The following MAEA variants were observed in gnomAD, a reference collection of about 807,000 sequenced individuals.
MAEA encodes the protein macrophage erythroblast attacher, E3 ubiquitin ligase.
MAEA carries 22 observed loss-of-function variants against 46.2 expected under a neutral mutation model. The ratio of observed to expected loss-of-function variants is 0.48; its 90% confidence interval spans 0.34 to 0.68. The LOEUF is 0.68. Among genes scored for constraint, MAEA ranks in the 30% least tolerant of loss-of-function variants. The pLI is 0.01. For synonymous variants in MAEA, 246 were observed against 222.6 expected, an observed-to-expected ratio of 1.11 and a Z score of -0.94; for missense variants, 393 against 558.1, an observed-to-expected ratio of 0.70 and a Z score of 2.98.
chr4:1,322,387 G>C lies in MAEA; in HGVS notation c.463G>C (p.Val155Leu), dbSNP rs768054350. ...GCTGCTTCCTTCCTCTAAGGACCTA[G>C]TGAATATTGAGATGTTCCTGACGGC... The part of the protein sequence containing the change: ...LARQSGIEDL[V>L]NIEMFLTAKE... The change falls in exon 4 of 9, where the codon GTG becomes CTG. Residue 155 changes from valine (V) to leucine (L), a missense_variant. Transcript: ENST00000303400. 7 of 1,614,038 alleles carry C rather than the reference G, an allele frequency of 4.3e-6. No homozygotes were observed. The highest frequency in any genetic ancestry group is 5.9e-6 in the Non-Finnish European group (7 of 1,179,962).
At chr4:1,319,507 C>A (rs1473335464) in intron 3 of MAEA, among the ~76,000 whole-genome samples, 1 of 152,072 alleles carries the variant, frequency 6.6e-6, no homozygotes, top group African/African-American at 2.4e-5. Flanking sequence ...ATTGGAGAAA[C>A]CCTCAGTAAG....
chr4:1,322,898 C>T (rs1045060334), intron 4 of MAEA, among the ~76,000 whole-genome samples: 3 of 142,002 alleles, frequency 2.1e-5, no homozygotes, highest in Admixed American at 7.2e-5. Context: ...TCTCCATCTG[C>T]GAGGCTGCAG....
At chr4:1,318,088 G>A (rs1022852292) in intron 3 of MAEA, among the ~76,000 whole-genome samples, 5 of 145,040 alleles carry the variant, frequency 3.4e-5, no homozygotes, top group South Asian at 4.6e-4. Flanking sequence ...CCACCCACCC[G>A]CCTCCCTGGC....
chr4:1,335,116 C>T, intron 6 of MAEA: 7 of 985,430 alleles, frequency 7.1e-6, no homozygotes, highest in Non-Finnish European at 8.4e-6. Flanking sequence ...CGCTCTCTCT[C>T]TTAAGTCTAA....
intron 4 of MAEA, among the ~76,000 whole-genome samples, chr4:1,326,707 G>T (rs537536012): frequency 2.6e-5 from 4 of 151,198 alleles, no homozygotes; most frequent in African/African-American, 9.7e-5. Flanking sequence ...TCCTGGAAGC[G>T]CCCTCCCTTC....
intron 3 of MAEA, among the ~76,000 whole-genome samples, chr4:1,317,907 T>C (rs965229524): frequency 6.6e-6 from 1 of 152,202 alleles, no homozygotes; most frequent in African/African-American, 2.4e-5. Flanking sequence ...CGGGGTCGTC[T>C]GTGATGCCTC....
intron 5 of MAEA, chr4:1,329,191 T>A: frequency 4.1e-6 from 4 of 985,740 alleles, no homozygotes; most frequent in Non-Finnish European, 4.8e-6. Context: ...ATAGGGTCTG[T>A]TGACCTGTTA....
At chr4:1,329,853 C>T (rs1739315352) in intron 5 of MAEA, 1 of 985,438 alleles carries the variant, frequency 1.0e-6, no homozygotes, top group South Asian at 4.7e-5. Context: ...GGGCTCCAGG[C>T]AGGGCCCTCT....
At chr4:1,335,521 C>T (rs1321338214) in intron 6 of MAEA, 4 of 849,656 alleles carry the variant, frequency 4.7e-6, no homozygotes, top group Admixed American at 1.4e-4. Flanking sequence ...GGCCCCATGG[C>T]GTGTTGAAAC....
At chr4:1,329,757 TG>T (rs773656601) in intron 5 of MAEA, 11 of 985,280 alleles carry the variant, frequency 1.1e-5, no homozygotes, top group Non-Finnish European at 1.3e-5. Context: ...TGCGGGTGTT[TG>T]GCTGGGAGCC....
rs1470164111 is a variant in MAEA, at chr4:1,327,782, G to C, written c.656+79G>C. On this transcript the variant is annotated intron_variant, in intron 5 of 8. Coordinates refer to ENST00000303400, the MANE Select transcript of MAEA (RefSeq NM_001017405.3). ...GCCCCTGCCAGCCCTCCCTGTCGTGGTCTGGGTCCTGGGACGTCCCCTGGG... is the reference window on the plus strand; with the variant it reads ...GCCCCTGCCAGCCCTCCCTGTCGTGCTCTGGGTCCTGGGACGTCCCCTGGG... 4.5e-6 allele frequency: 6 copies of C among 1,334,340 alleles called. 1 individual carries two copies. The South Asian group carries it at 4.7e-5, about 10-fold the overall frequency. The allele number at this position is 1,334,340 out of a possible 1,614,324, so 82.7% of individuals were successfully genotyped here.
At chr4:1,295,643 T>C (rs1734559869) in intron 1 of MAEA, among the ~76,000 whole-genome samples, 1 of 148,128 alleles carries the variant, frequency 6.8e-6, no homozygotes, top group African/African-American at 2.5e-5. Flanking sequence ...CACCCGTACC[T>C]GTACCCCCCT....
In MAEA at chr4:1,339,175, ACGT is replaced by A. The variant is rs1011707681; in HGVS notation, c.*10_*12del. ...AGAAGGTGTACATCATGTAGGCCCC[ACGT>A]CGTGAAGCGCACGCCTCGGGGACGG... On this transcript the variant is annotated 3_prime_UTR_variant, in exon 9 of 9. Coordinates refer to ENST00000303400, the MANE Select transcript of MAEA (RefSeq NM_001017405.3). 1.2e-6 allele frequency: 2 copies of A among 1,612,338 alleles called. No homozygotes were observed. The highest frequency in any genetic ancestry group is 1.7e-6 in the Non-Finnish European group (2 of 1,178,700).
intron 1 of MAEA, among the ~76,000 whole-genome samples, chr4:1,302,573 G>A (rs1038789639): frequency 2.0e-5 from 3 of 152,256 alleles, no homozygotes; most frequent in Non-Finnish European, 2.9e-5. Flanking sequence ...TCCGCTTCCC[G>A]GGTTCACGCC....
chr4:1,306,225 T>C (rs1286514692), intron 1 of MAEA, among the ~76,000 whole-genome samples: 2 of 152,250 alleles, frequency 1.3e-5, no homozygotes, highest in Admixed American at 6.5e-5. Flanking sequence ...AAATTCACCA[T>C]CGCGCTTTCC....
chr4:1,303,232 C>CAAAAAAAAAAAAAA (rs71168823), intron 1 of MAEA, among the ~76,000 whole-genome samples: 1 of 65,658 alleles, frequency 1.5e-5, no homozygotes, highest in Non-Finnish European at 3.0e-5. Flanking sequence ...ACTAAAAATA[C>CAAAAAAAAAAAAAA]AAAAAAAAAA....
intron 2 of MAEA, chr4:1,312,595 A>C (rs1252987684): frequency 5.6e-6 from 1 of 179,410 alleles, no homozygotes; most frequent in Non-Finnish European, 1.2e-5. Context: ...ACGCCCGTCT[A>C]ATTTTTGTAT....
At position 1,311,129 on chromosome 4, in the gene MAEA, G is replaced by A. The variant is rs1235493720; in HGVS notation, c.70-850G>A. Among the ~76,000 whole-genome samples, 4 of 152,214 alleles carry A rather than the reference G, an allele frequency of 2.6e-5. No individual in the cohort carries two copies. The highest frequency in any genetic ancestry group is 5.9e-5 in the Non-Finnish European group (4 of 68,038). ...GGAGCGCTTGTTCTGGCACAGCTGC[G>A]ACGGCAGAGTTGGGCCCACTGCTCT... On this transcript the variant is annotated intron_variant, in intron 1 of 8. Transcript: ENST00000303400. The surrounding 1 kb of genome is among the most constrained non-coding windows in gnomAD (Gnocchi z 4.4).
At chr4:1,324,366 G>A (rs954757927) in intron 4 of MAEA, among the ~76,000 whole-genome samples, 1 of 150,290 alleles carries the variant, frequency 6.7e-6, no homozygotes, top group African/African-American at 2.5e-5. Context: ...GAGTGTGTCT[G>A]GTGTTGGATG....
Sources: gnomAD v4.1 joint callset for allele counts (sites outside exome capture counted in the v4.1 genomes callset) on GRCh38, gnomAD v4.1.1 for gene constraint, Gnocchi (gnomAD v3.1) non-coding constraint, MANE v1.5 for transcripts, NCBI Gene and HGNC (gene_info 2026-07-23, HGNC 2026-07-21) for gene names.